Variants in FGF13 observed in about 807,000 individuals in gnomAD.
FGF13 encodes fibroblast growth factor 13.
FGF13 carries 2 observed loss-of-function variants against 19.5 expected under a neutral mutation model. That is an observed-to-expected ratio of 0.10 (90% CI 0.04 to 0.32). The LOEUF (loss-of-function observed/expected upper bound fraction) is 0.32. FGF13 is among the 10% of genes least tolerant of loss of function. FGF13 has a pLI of 1.00. For synonymous variants in FGF13, 72 were observed against 76.9 expected (o/e 0.94, Z 0.33); for missense variants, 113 against 192.7 (o/e 0.59, Z 2.45).
At chrX:138,669,189 CAA>C (rs2124168067) in intron 3 of FGF13, among the ~76,000 whole-genome samples, 1 of 109,712 alleles carries the variant, frequency 9.1e-6, no homozygotes, top group South Asian at 3.9e-4. Flanking sequence ...AGGTACAGGA[CAA>C]AGGATAATTG....
At chrX:138,877,953 G>A (rs1249321581) in intron 1 of FGF13, among the ~76,000 whole-genome samples, 1 of 111,183 alleles carries the variant, frequency 9.0e-6, no homozygotes, top group Non-Finnish European at 1.9e-5. Context: ...CCTGGGAATG[G>A]AATTGCTGAA....
chrX:139,182,191 G>A (rs2084245223), intron 1 of FGF13, among the ~76,000 whole-genome samples: 1 of 111,770 alleles, frequency 8.9e-6, no homozygotes, highest in Non-Finnish European at 1.9e-5. Flanking sequence ...TTTTACAGAT[G>A]GGAAAACAAA....
rs1429678356 is a variant in FGF13 at position 138,624,279 on chromosome X, T to C, written c.*8571A>G. On this transcript the variant is annotated 3_prime_UTR_variant, in exon 5 of 5. Transcript: ENST00000315930. ...GCCAAGAAACAAATCCACACATATA[T>C]GATCAACAAATCTTCAACAAAGGCA... The C allele has an allele frequency of 9.0e-6, 1 of 111,686 alleles. No homozygotes were observed. Among genetic ancestry groups the C allele is most frequent in the Non-Finnish European group, 1.9e-5 (1 of 53,174 alleles). 9.2% of individuals were successfully genotyped at this position (111,686 alleles called of 1,213,427 possible).
At chrX:138,874,630 T>C (rs761504350) in intron 1 of FGF13, among the ~76,000 whole-genome samples, 1 of 111,855 alleles carries the variant, frequency 8.9e-6, no homozygotes, top group Non-Finnish European at 1.9e-5. Context: ...TGGGTCACAC[T>C]CAAATCTAAG....
At chrX:139,080,058 CCACACACACACA>C (rs61341655) in intron 1 of FGF13, among the ~76,000 whole-genome samples, 1 of 105,284 alleles carries the variant, frequency 9.5e-6, no homozygotes, top group Non-Finnish European at 2.0e-5. Flanking sequence ...GAAAATATTA[CCACACACACACA>C]CACACACGCA....
intron 1 of FGF13, among the ~76,000 whole-genome samples, chrX:139,178,367 A>G (rs938428188): frequency 2.7e-5 from 3 of 112,306 alleles, no homozygotes; most frequent in African/African-American, 9.7e-5. Flanking sequence ...GAAAGAAAGG[A>G]TATGAATGAT....
intron 1 of FGF13, among the ~76,000 whole-genome samples, chrX:139,199,076 G>C (rs1446999783): frequency 1.8e-5 from 2 of 112,620 alleles, no homozygotes; most frequent in African/African-American, 6.4e-5. Flanking sequence ...CAATGAGCCT[G>C]AAATCCACTC....
At chrX:139,014,256 G>T (rs1249330854) in intron 1 of FGF13, among the ~76,000 whole-genome samples, 2 of 111,056 alleles carry the variant, frequency 1.8e-5, no homozygotes, top group African/African-American at 6.5e-5. Context: ...ATAATAAACA[G>T]CAAGAGCAGA....
chrX:138,670,515 A>T (rs764275276), intron 3 of FGF13, among the ~76,000 whole-genome samples: 1 of 112,099 alleles, frequency 8.9e-6, no homozygotes, highest in African/African-American at 3.2e-5. Flanking sequence ...AATAATGTGG[A>T]TGTACATTTA....
intron 1 of FGF13, among the ~76,000 whole-genome samples, chrX:138,949,893 G>GA (rs2091801460): frequency 8.9e-6 from 1 of 111,967 alleles, no homozygotes; most frequent in Admixed American, 9.5e-5. Context: ...CACTTGGTTA[G>GA]AGACTTTGAT....
intron 3 of FGF13, among the ~76,000 whole-genome samples, chrX:138,661,833 T>C (rs964618490): frequency 3.6e-4 from 40 of 111,730 alleles, no homozygotes; most frequent in Non-Finnish European, 7.2e-4. Flanking sequence ...TGGGATATAA[T>C]GAGAAATAGA....
rs148040496 is a variant in FGF13 at position 138,827,213 on chromosome X, C to A, written c.217+30299G>T. 9.2e-3 allele frequency among the ~76,000 whole-genome samples: 1,026 copies of A among 111,633 alleles called. 11 individuals carry two copies. Among genetic ancestry groups the A allele is most frequent in the African/African-American group, 0.032 (978 of 30,769 alleles). ...TGTTCTGCGGTGCTGTGGCTGGATC[C>A]CAGTGATTGCAACTTCATGCCCTTG... On this transcript the variant is annotated intron_variant, in intron 3 of 6. Coordinates refer to the FGF13 transcript ENST00000436198.
intron 1 of FGF13, among the ~76,000 whole-genome samples, chrX:139,164,277 T>A (rs1318656992): frequency 9.0e-6 from 1 of 110,976 alleles, no homozygotes; most frequent in African/African-American, 3.3e-5. Flanking sequence ...TAATTCCTTC[T>A]ATGTCGGGGA....
At chrX:139,000,973 G>T (rs1253346742) in intron 1 of FGF13, among the ~76,000 whole-genome samples, 1 of 111,718 alleles carries the variant, frequency 9.0e-6, no homozygotes, top group Non-Finnish European at 1.9e-5. Flanking sequence ...CATGGTACTG[G>T]TACCAAAACA....
chrX:138,953,896 AT>A lies in FGF13; in HGVS notation c.-112-89247del, dbSNP rs538380348. ...CTAACCAACATGTGGTAAAAAAAAA[AT>A]AAATAAACATAGAAAAGCCTTTGTC... On this transcript the variant is annotated intron_variant, in intron 1 of 2. Transcript: ENST00000421460. Among the ~76,000 whole-genome samples, 3 of 111,077 alleles carry A rather than the reference AT, an allele frequency of 2.7e-5. No individual in the cohort carries two copies. In the South Asian group the frequency reaches 1.1e-3, roughly 42 times the overall value.
chrX:139,096,240 T>G (rs2083469219), intron 1 of FGF13, among the ~76,000 whole-genome samples: 1 of 111,967 alleles, frequency 8.9e-6, no homozygotes, highest in Non-Finnish European at 1.9e-5. Flanking sequence ...TGAAAAAGTC[T>G]GAGGGAATGT....
At chrX:138,679,080 T>C (rs1218842508) in intron 3 of FGF13, among the ~76,000 whole-genome samples, 2 of 111,327 alleles carry the variant, frequency 1.8e-5, no homozygotes, top group East Asian at 5.7e-4. Flanking sequence ...TAATGCTCCA[T>C]TTTATTTTTA....
chrX:138,702,195 AAATT>A (rs889253415), intron 3 of FGF13, among the ~76,000 whole-genome samples: 5 of 105,191 alleles, frequency 4.8e-5, no homozygotes, highest in African/African-American at 7.0e-5. Context: ...ATAAATAAAT[AAATT>A]AATTAATTAA....
chrX:138,945,021 A>G (rs1473552796), intron 1 of FGF13, among the ~76,000 whole-genome samples: 1 of 104,928 alleles, frequency 9.5e-6, no homozygotes, highest in Admixed American at 1.0e-4. Flanking sequence ...TGCTCTAAGG[A>G]CTCTGTTCTT....
Sources: allele counts gnomAD v4.1 joint callset (sites outside exome capture counted in the v4.1 genomes callset), GRCh38; gene constraint gnomAD v4.1.1; transcripts MANE v1.5; gene names NCBI Gene and HGNC (gene_info 2026-07-23, HGNC 2026-07-21).